THADA: variants seen among roughly 807,000 people sequenced by gnomAD.
THADA encodes tRNA (32-2'-O)-methyltransferase regulator THADA.
A neutral mutation model predicts 219.8 loss-of-function variants in THADA; 213 were observed. That is an observed-to-expected ratio of 0.97 (90% CI 0.87 to 1.09). The LOEUF is 1.09. THADA is among the 50% of genes least tolerant of loss of function. The pLI is 0.00. For missense variants in THADA, 2,956 were observed against 2,311.3 expected (o/e 1.28, Z -5.72); for synonymous variants, 1,018 against 828.9 (o/e 1.23, Z -3.92).
intron 29 of THADA, among the ~76,000 whole-genome samples, chr2:43,394,014 T>A (rs1328344454): frequency 6.6e-6 from 1 of 152,146 alleles, no homozygotes; most frequent in Non-Finnish European, 1.5e-5. Context: ...GTCCCCAACA[T>A]GAAGAGTTCT....
At chr2:43,453,259 A>G (rs916105489) in intron 26 of THADA, among the ~76,000 whole-genome samples, 2 of 152,242 alleles carry the variant, frequency 1.3e-5, no homozygotes, top group Non-Finnish European at 2.9e-5. Context: ...GAAGTATGGA[A>G]AAGAGTCCCT....
Position 43,574,806 on chromosome 2 carries a change from T to C in THADA, c.1259A>G (p.Gln420Arg), listed in dbSNP as rs1699680101. Residue 420 changes from glutamine (Q) to arginine (R), a missense_variant, in exon 11 of 38, where the codon CAA becomes CGA. Coordinates refer to ENST00000405975, the MANE Select transcript of THADA (RefSeq NM_022065.5). ...QTKIMFKNLL[Q>R]MHRLTVEGAD... ...ACCTTCCACAGTGAGCCGGTGCATT[T>C]GGAGAAGGTTTTTGAACATGATTTT... The C allele has an allele frequency of 6.2e-7, 1 of 1,614,036 alleles. No homozygotes were observed. The highest frequency in any genetic ancestry group is 1.1e-5 in the South Asian group (1 of 91,090).
At position 43,293,089 on chromosome 2, in the gene THADA, T is replaced by C. The variant is rs1160584460; in HGVS notation, c.4563A>G (p.Arg1521=). Residue 1521 remains arginine, a synonymous_variant, in exon 32 of 38, where the codon AGA becomes AGG. Transcript: ENST00000405975. The part of the protein sequence containing the change: ...GLPQYLQSLT[R]LAIAAVWAAA... ...CGGCCCACACTGCAGCAATGGCTAG[T>C]CTGGTGAGGCTCTGGAGGTACTGGG... 1 of 1,613,938 alleles carries C rather than the reference T, an allele frequency of 6.2e-7. No homozygotes were observed.
intron 31 of THADA, among the ~76,000 whole-genome samples, chr2:43,310,006 A>G (rs1677305008): frequency 6.6e-6 from 1 of 152,236 alleles, no homozygotes; most frequent in African/African-American, 2.4e-5. Context: ...TTAATGAAAG[A>G]TGTGCATGAA....
At chr2:43,557,572 C>T (rs1193556904) in intron 16 of THADA, among the ~76,000 whole-genome samples, 1 of 152,200 alleles carries the variant, frequency 6.6e-6, no homozygotes, top group Admixed American at 6.5e-5. Context: ...CTCACAGAAA[C>T]ATCCACTCAC....
chr2:43,445,186 TC>T (rs11284251), intron 26 of THADA, among the ~76,000 whole-genome samples: 8,771 of 151,124 alleles, frequency 0.058, 698 homozygotes, highest in African/African-American at 0.18. Context: ...AGAAAAATAA[TC>T]CCCCCATCCC....
chr2:43,567,085 CTTT>C (rs34061617), intron 14 of THADA, among the ~76,000 whole-genome samples: 3 of 144,162 alleles, frequency 2.1e-5, no homozygotes, highest in Non-Finnish European at 4.6e-5. Flanking sequence ...GATACGTACA[CTTT>C]TTTTTTTTTT....
intron 22 of THADA, among the ~76,000 whole-genome samples, chr2:43,524,528 AT>A (rs2103707015): frequency 6.6e-6 from 1 of 152,334 alleles, no homozygotes; most frequent in African/African-American, 2.4e-5. Context: ...AACTTTTTAA[AT>A]GTTGTATGCC....
rs1375470304 is a variant in THADA at position 43,279,765 on chromosome 2, C to G, written c.5296G>C (p.Glu1766Gln). The G allele has an allele frequency of 1.2e-5, 19 of 1,547,990 alleles. No homozygotes were observed. Among genetic ancestry groups the G allele is most frequent in the Non-Finnish European group, 1.7e-5 (19 of 1,145,742 alleles). The change falls in exon 36 of 38, where the codon GAG (glutamate) becomes CAG (glutamine). Residue 1766 changes from glutamate (E) to glutamine (Q), a missense_variant and splice_region_variant. Glu to Gln is a conservative substitution (Grantham distance 29). Coordinates refer to ENST00000405975, the MANE Select transcript of THADA (RefSeq NM_022065.5). ...ATGCAAAAGGATAAGAACGAGGTACCTGTTGACTGGCAGGTATTTTCTTGT... is the reference window on the plus strand; with the variant it reads ...ATGCAAAAGGATAAGAACGAGGTACGTGTTGACTGGCAGGTATTTTCTTGT... ...MSQENTCQST[E>Q]FAFCQVDASI... is the part of the protein sequence containing the mutation.
chr2:43,379,452 T>A (rs1256192118), intron 29 of THADA, among the ~76,000 whole-genome samples: 2 of 152,176 alleles, frequency 1.3e-5, no homozygotes, highest in East Asian at 3.9e-4. Flanking sequence ...TGGATTAAGA[T>A]AGCCTACTAA....
chr2:43,315,368 C>T (rs12185704), intron 31 of THADA, among the ~76,000 whole-genome samples: 28,015 of 152,140 alleles, frequency 0.18, 2,685 homozygotes, highest in Middle Eastern at 0.27. Context: ...TTCCTCCATT[C>T]CCCACTCCCT....
chr2:43,474,721 C>A (rs1029222573), intron 26 of THADA, among the ~76,000 whole-genome samples: 7 of 152,100 alleles, frequency 4.6e-5, no homozygotes, highest in African/African-American at 1.7e-4. Context: ...GTATCTAAAT[C>A]AACTTCAGGT....
At chr2:43,261,366 G>T (rs1670923842) in intron 36 of THADA, among the ~76,000 whole-genome samples, 1 of 151,406 alleles carries the variant, frequency 6.6e-6, no homozygotes, top group Non-Finnish European at 1.5e-5. Context: ...TGGGACTACA[G>T]GCATGCACCA....
chr2:43,325,453 G>C (rs993545065), intron 30 of THADA, among the ~76,000 whole-genome samples: 4 of 152,100 alleles, frequency 2.6e-5, no homozygotes, highest in Admixed American at 2.0e-4. Flanking sequence ...GGAACTTAGA[G>C]TCCTGAATAG....
chr2:43,313,298 C>T (rs1388544805), intron 31 of THADA, among the ~76,000 whole-genome samples: 2 of 152,168 alleles, frequency 1.3e-5, no homozygotes, highest in African/African-American at 2.4e-5. Flanking sequence ...ATCTACAGAG[C>T]GCACTGACTT....
At chr2:43,526,000 A>C (rs1308735574) in intron 22 of THADA, among the ~76,000 whole-genome samples, 1 of 152,214 alleles carries the variant, frequency 6.6e-6, no homozygotes, top group Non-Finnish European at 1.5e-5. Flanking sequence ...TTTACATGCC[A>C]ACCCCACAAC....
At chr2:43,245,435 C>A (rs1443280973) in intron 36 of THADA, among the ~76,000 whole-genome samples, 1 of 152,080 alleles carries the variant, frequency 6.6e-6, no homozygotes, top group Non-Finnish European at 1.5e-5. Context: ...GGCCTCCCAA[C>A]GTGCTGGGAT....
At chr2:43,572,386 T>C (rs1196080198) in intron 12 of THADA, among the ~76,000 whole-genome samples, 1 of 152,212 alleles carries the variant, frequency 6.6e-6, no homozygotes, top group African/African-American at 2.4e-5. Context: ...ATAAGCAATG[T>C]TCTTAATCAT....
At position 43,501,306 on chromosome 2, in the gene THADA, C is replaced by CAAAAAAA. The variant is rs1558864377; in HGVS notation, c.3622-2352_3622-2351insTTTTTTT. On this transcript the variant is annotated intron_variant, in intron 24 of 37. Transcript: ENST00000405975. ...GGGCAACAAAAGCGAAACTCCAACTCCAAAAAAAAAAAAAAAAAAAAAAAA... is the reference window on the plus strand; with the variant it reads ...GGGCAACAAAAGCGAAACTCCAACTCAAAAAAACAAAAAAAAAAAAAAAAAAAAAAAA... 4.4e-3 allele frequency among the ~76,000 whole-genome samples: 54 copies of CAAAAAAA among 12,278 alleles called. 1 individual carries two copies. The highest frequency in any genetic ancestry group is 0.014 in the African/African-American group (51 of 3,670). The allele number at this position is 12,278 out of a possible 152,430, so 8.1% of individuals were successfully genotyped here.
Sources: gnomAD v4.1 joint callset for allele counts (sites outside exome capture counted in the v4.1 genomes callset) on GRCh38, gnomAD v4.1.1 for gene constraint, MANE v1.5 for transcripts, NCBI Gene and HGNC (gene_info 2026-07-23, HGNC 2026-07-21) for gene names.